UST: variants seen among roughly 807,000 people sequenced by gnomAD.
The protein encoded by UST is chondroitin sulfate 2-O-sulfotransferase.
In UST, 21 loss-of-function variants were observed where a neutral mutation model predicts 45.6. The observed-to-expected ratio is 0.46, with a 90% CI of 0.33 to 0.66. The LOEUF (loss-of-function observed/expected upper bound fraction) is 0.66, where lower values mean the gene tolerates loss of function less well. UST is among the 30% of genes least tolerant of loss of function. UST has a pLI of 0.02. For synonymous variants in UST, 215 were observed against 200.6 expected, an observed-to-expected ratio of 1.07 and a Z score of -0.61; for missense variants, 463 against 512.4, an observed-to-expected ratio of 0.90 and a Z score of 0.93.
chr6:148,897,178 A>AT (rs1562293095), intron 2 of UST, among the ~76,000 whole-genome samples: 2 of 152,066 alleles, frequency 1.3e-5, no homozygotes, highest in African/African-American at 4.8e-5. Flanking sequence ...TTTTTTTAAA[A>AT]TTTTTTTGAG....
At chr6:148,795,353 C>T (rs951782058) in intron 1 of UST, among the ~76,000 whole-genome samples, 1 of 152,152 alleles carries the variant, frequency 6.6e-6, no homozygotes, top group Non-Finnish European at 1.5e-5. Flanking sequence ...CCTGTCCTGG[C>T]TGGTTAACTT....
chr6:148,879,993 G>A (rs571925923), intron 1 of UST, among the ~76,000 whole-genome samples: 4 of 144,914 alleles, frequency 2.8e-5, no homozygotes, highest in African/African-American at 1.0e-4. Flanking sequence ...TGTTGCCCAG[G>A]CTGGAGGCTG....
At chr6:148,804,995 A>G in intron 1 of UST, among the ~76,000 whole-genome samples, 1 of 152,150 alleles carries the variant, frequency 6.6e-6, no homozygotes, top group South Asian at 2.1e-4. Flanking sequence ...CAAACTATAT[A>G]AAATTCTAAT....
At chr6:149,045,021 G>A (rs1209967145) in intron 7 of UST, among the ~76,000 whole-genome samples, 2 of 152,212 alleles carry the variant, frequency 1.3e-5, no homozygotes, top group African/African-American at 4.8e-5. Flanking sequence ...AATTCTGTAA[G>A]TTGATAAGTA....
intron 5 of UST, among the ~76,000 whole-genome samples, chr6:148,985,938 G>A (rs1006020635): frequency 2.6e-5 from 4 of 152,224 alleles, no homozygotes; most frequent in African/African-American, 7.2e-5. Flanking sequence ...AAAGGAGGCA[G>A]GAAGAGCCAT....
At chr6:149,054,171 A>G (rs902016549) in intron 7 of UST, among the ~76,000 whole-genome samples, 9 of 152,160 alleles carry the variant, frequency 5.9e-5, no homozygotes, top group African/African-American at 2.2e-4. Flanking sequence ...TCAGAAAGGG[A>G]GGGGGGTGCG....
Position 148,747,676 on chromosome 6 carries a change from G to GC in UST, c.246_247insC (p.Gly83ArgfsTer8). The GC allele has an allele frequency of 6.3e-7, 1 of 1,596,028 alleles. No individual in the cohort carries two copies. The highest frequency in any genetic ancestry group is 8.5e-7 in the Non-Finnish European group (1 of 1,172,756). On this transcript the variant is annotated frameshift_variant and splice_region_variant, in exon 1 of 8. Transcript: ENST00000367463. LOFTEE classifies it high-confidence loss of function. ...TCCTGCTCGACCTGCGGCAGTACTT[G>GC]GGTAAGGAAGCTGGGCAGGCGCTAG...
At chr6:149,001,467 G>T (rs1268648461) in intron 5 of UST, among the ~76,000 whole-genome samples, 2 of 152,176 alleles carry the variant, frequency 1.3e-5, no homozygotes, top group East Asian at 3.8e-4. Flanking sequence ...TGAAACTGAA[G>T]ATATCAAGGA....
At chr6:148,887,365 G>A (rs560855525) in intron 2 of UST, among the ~76,000 whole-genome samples, 4 of 152,168 alleles carry the variant, frequency 2.6e-5, no homozygotes, top group Non-Finnish European at 5.9e-5. Flanking sequence ...AGCCACACCC[G>A]GCCTCCCCAT....
chr6:149,038,137 T>C (rs1382411158), intron 7 of UST, among the ~76,000 whole-genome samples: 1 of 152,110 alleles, frequency 6.6e-6, no homozygotes, highest in African/African-American at 2.4e-5. Flanking sequence ...CTTTTACAGT[T>C]AGCAAAGTAC....
At chr6:148,894,366 C>A (rs1200141104) in intron 2 of UST, among the ~76,000 whole-genome samples, 1 of 152,174 alleles carries the variant, frequency 6.6e-6, no homozygotes, top group Non-Finnish European at 1.5e-5. Flanking sequence ...ACCCTAAAGA[C>A]AATGATTGAT....
Position 149,049,908 on chromosome 6 carries a change from GTCTC to G in UST, c.938-23904_938-23901del, listed in dbSNP as rs138243742. ...CAGTAGTTTTTTAAAAACTCACCTT[GTCTC>G]TCTCTCTCTCTCTCTCTCTCACACA... On this transcript the variant is annotated intron_variant, in intron 7 of 7. Coordinates refer to ENST00000367463, the MANE Select transcript of UST (RefSeq NM_005715.3). Among the ~76,000 whole-genome samples the G allele has an allele frequency of 1.9e-3, 269 of 142,506 alleles. 1 individual carries two copies. Among genetic ancestry groups the G allele is most frequent in the Non-Finnish European group, 2.5e-3 (166 of 65,464 alleles). The allele number at this position is 142,506 out of a possible 152,430, so 93.5% of individuals were successfully genotyped here. A position where few individuals can be genotyped will look rare whatever the true frequency, so the allele number is the denominator to read the frequency against.
chr6:149,049,019 G>A (rs1432101031), intron 7 of UST, among the ~76,000 whole-genome samples: 1 of 152,206 alleles, frequency 6.6e-6, no homozygotes, highest in South Asian at 2.1e-4. Context: ...GAAAAATCCT[G>A]TACCTTGATT....
chr6:148,861,904 T>A (rs1473774719), intron 1 of UST, among the ~76,000 whole-genome samples: 1 of 151,506 alleles, frequency 6.6e-6, no homozygotes, highest in Non-Finnish European at 1.5e-5. Context: ...TGCTGAGGAG[T>A]GCTTTACTTC....
chr6:148,774,628 T>A (rs1015695227), intron 1 of UST, among the ~76,000 whole-genome samples: 2 of 152,150 alleles, frequency 1.3e-5, no homozygotes, highest in Non-Finnish European at 2.9e-5. Flanking sequence ...AGAACAAAAA[T>A]CTGTGGGGGG....
chr6:149,015,158 A>G (rs1235349798), intron 5 of UST, among the ~76,000 whole-genome samples: 3 of 152,196 alleles, frequency 2.0e-5, no homozygotes, highest in Non-Finnish European at 4.4e-5. Context: ...ATCACCATCC[A>G]TCTGGTGGAA....
At chr6:148,758,990 G>C (rs906389970) in intron 1 of UST, among the ~76,000 whole-genome samples, 15 of 152,318 alleles carry the variant, frequency 9.8e-5, no homozygotes, top group African/African-American at 2.9e-4. Flanking sequence ...CTGGATGGAG[G>C]GGGCACTAGG....
intron 5 of UST, among the ~76,000 whole-genome samples, chr6:148,995,457 T>G (rs1781436126): frequency 6.6e-6 from 1 of 152,044 alleles, no homozygotes; most frequent in South Asian, 2.1e-4. Context: ...CAGGGTTTTC[T>G]TCTCTATTTC....
chr6:148,847,374 G>T (rs527716397), intron 1 of UST, among the ~76,000 whole-genome samples: 1 of 152,388 alleles, frequency 6.6e-6, no homozygotes, highest in African/African-American at 2.4e-5. Context: ...TGGGCTGGTG[G>T]ATTGTGGGCC....
Sources: gnomAD v4.1 joint callset for allele counts (sites outside exome capture counted in the v4.1 genomes callset) on GRCh38, gnomAD v4.1.1 for gene constraint, MANE v1.5 for transcripts, NCBI Gene and HGNC (gene_info 2026-07-23, HGNC 2026-07-21) for gene names.